Variants in TMEFF1 observed in about 807,000 individuals in gnomAD.
TMEFF1 encodes transmembrane protein with EGF like and two follistatin like domains 1.
In TMEFF1, 20 loss-of-function variants were observed where a neutral mutation model predicts 47.5. That is an observed-to-expected ratio of 0.42 (90% CI 0.30 to 0.61). The LOEUF is 0.61. Ranked by LOEUF, TMEFF1 falls within the 20% of genes least tolerant of loss-of-function variation. The probability of loss-of-function intolerance (pLI) is 0.19; values close to 1 mark genes in which losing one functional copy is unlikely to be tolerated. For missense variants in TMEFF1, 411 were observed against 471.1 expected, an observed-to-expected ratio of 0.87 and a Z score of 1.18; for synonymous variants, 162 against 166.3, an observed-to-expected ratio of 0.97 and a Z score of 0.20.
intron 8 of TMEFF1, among the ~76,000 whole-genome samples, chr9:100,562,881 G>A (rs947723532): frequency 6.6e-6 from 1 of 152,076 alleles, no homozygotes. Context: ...GCAGTGGTGC[G>A]ATCTCGGCTC....
At chr9:100,549,317 C>G (rs1277119141) in intron 6 of TMEFF1, among the ~76,000 whole-genome samples, 3 of 152,124 alleles carry the variant, frequency 2.0e-5, no homozygotes, top group Non-Finnish European at 2.9e-5. Flanking sequence ...TGAGAACTCA[C>G]TCACTATTAT....
At chr9:100,504,082 T>C (rs553827903) in intron 2 of TMEFF1, among the ~76,000 whole-genome samples, 1 of 152,330 alleles carries the variant, frequency 6.6e-6, no homozygotes, top group Non-Finnish European at 1.5e-5. Flanking sequence ...CTACTTGAAA[T>C]AGCTGGCAAC....
chr9:100,480,040 T>C (rs182595876), intron 1 of TMEFF1, among the ~76,000 whole-genome samples: 1 of 152,354 alleles, frequency 6.6e-6, no homozygotes, highest in East Asian at 1.9e-4. Flanking sequence ...TGTTATTGTC[T>C]GTCTGTTTGA....
chr9:100,513,139 G>A (rs1400084040), intron 3 of TMEFF1, among the ~76,000 whole-genome samples, 168 bp from the exon 4 acceptor site: 1 of 151,912 alleles, frequency 6.6e-6, no homozygotes, highest in African/African-American at 2.4e-5. Context: ...TATATTTTAA[G>A]AGCAGCATAA....
At chr9:100,494,435 T>G (rs1837614973) in intron 1 of TMEFF1, among the ~76,000 whole-genome samples, 1 of 152,158 alleles carries the variant, frequency 6.6e-6, no homozygotes. Flanking sequence ...TTTTAAAAAA[T>G]GTATTCATTT....
At chr9:100,544,979 C>A (rs1407617214) in intron 5 of TMEFF1, among the ~76,000 whole-genome samples, 1 of 152,208 alleles carries the variant, frequency 6.6e-6, no homozygotes, top group Non-Finnish European at 1.5e-5. Context: ...GCAGCTGCAC[C>A]TTTGTGGCTC....
intron 1 of TMEFF1, among the ~76,000 whole-genome samples, chr9:100,481,246 T>A (rs1372389524): frequency 1.3e-5 from 2 of 152,268 alleles, no homozygotes; most frequent in South Asian, 2.1e-4. Context: ...TTTCTGTCTC[T>A]GTATGTAGCT....
intron 1 of TMEFF1, among the ~76,000 whole-genome samples, chr9:100,495,709 A>G (rs545635443): frequency 3.3e-5 from 5 of 152,114 alleles, no homozygotes; most frequent in Non-Finnish European, 7.3e-5. Context: ...AAAATAAAAT[A>G]TGACTAATAA....
At chr9:100,537,777 C>T (rs1277726114) in intron 5 of TMEFF1, among the ~76,000 whole-genome samples, 1 of 152,164 alleles carries the variant, frequency 6.6e-6, no homozygotes, top group Non-Finnish European at 1.5e-5. Context: ...TGTCTGCGCC[C>T]CTCCCTTATC....
At chr9:100,479,300 C>A (rs1369725022) in intron 1 of TMEFF1, among the ~76,000 whole-genome samples, 1 of 152,156 alleles carries the variant, frequency 6.6e-6, no homozygotes. Flanking sequence ...TAGCCTCTTA[C>A]AGATATATAT....
chr9:100,569,234 G>A (rs1839181672), intron 8 of TMEFF1, among the ~76,000 whole-genome samples: 1 of 152,058 alleles, frequency 6.6e-6, no homozygotes, highest in South Asian at 2.1e-4. Context: ...TTTTGATTTA[G>A]GCTATCGTAG....
At chr9:100,530,103 G>A (rs929931637) in intron 5 of TMEFF1, among the ~76,000 whole-genome samples, 67 of 151,520 alleles carry the variant, frequency 4.4e-4, no homozygotes, top group African/African-American at 1.5e-3. Flanking sequence ...AGTGTGTAGA[G>A]GGAAATTTAT....
chr9:100,491,868 G>A (rs1372700809), intron 1 of TMEFF1, among the ~76,000 whole-genome samples: 1 of 150,216 alleles, frequency 6.7e-6, no homozygotes, highest in African/African-American at 2.4e-5. Flanking sequence ...TTTTCTTTGA[G>A]AATAGTTTCT....
At chr9:100,571,605 G>T (rs1342545140) in intron 8 of TMEFF1, among the ~76,000 whole-genome samples, 3 of 151,798 alleles carry the variant, frequency 2.0e-5, no homozygotes, top group Admixed American at 6.6e-5. Flanking sequence ...TGTTGCCAGG[G>T]ACTAGTTCCG....
At chr9:100,481,848 C>G (rs998414554) in intron 1 of TMEFF1, among the ~76,000 whole-genome samples, 1 of 152,088 alleles carries the variant, frequency 6.6e-6, no homozygotes, top group Non-Finnish European at 1.5e-5. Flanking sequence ...GTGGCATGAT[C>G]TCAGCTCAGT....
At chr9:100,542,909 ATC>A (rs1378920724) in intron 5 of TMEFF1, among the ~76,000 whole-genome samples, 1 of 139,868 alleles carries the variant, frequency 7.1e-6, no homozygotes, top group Non-Finnish European at 1.5e-5. Flanking sequence ...TGACTCTTCC[ATC>A]TCTCTCTCTC....
At chr9:100,509,476 A>G (rs1211796226) in intron 3 of TMEFF1, among the ~76,000 whole-genome samples, 1 of 152,146 alleles carries the variant, frequency 6.6e-6, no homozygotes, top group Non-Finnish European at 1.5e-5. Context: ...ATGATTTTTT[A>G]AAAAGAGGTG....
intron 7 of TMEFF1, among the ~76,000 whole-genome samples, chr9:100,554,270 C>T (rs976292683): frequency 6.6e-6 from 1 of 152,158 alleles, no homozygotes; most frequent in African/African-American, 2.4e-5. Context: ...AAATATGCCT[C>T]ATCAAAAGGA....
At chr9:100,533,383 A>G (rs1258133429) in intron 5 of TMEFF1, among the ~76,000 whole-genome samples, 1 of 152,072 alleles carries the variant, frequency 6.6e-6, no homozygotes, top group East Asian at 1.9e-4. Flanking sequence ...AAAGTTGCTC[A>G]TTTCACCTAG....
Sources: gnomAD v4.1 joint callset for allele counts (sites outside exome capture counted in the v4.1 genomes callset) on GRCh38, gnomAD v4.1.1 for gene constraint, MANE v1.5 for transcripts, NCBI Gene and HGNC (gene_info 2026-07-23, HGNC 2026-07-21) for gene names.